The following PRR5L variants were observed in gnomAD, a reference collection of about 807,000 sequenced individuals.
The protein encoded by PRR5L is proline-rich protein 5-like.
A neutral mutation model predicts 36.4 loss-of-function variants in PRR5L; 21 were observed. The observed-to-expected ratio is 0.58, with a 90% CI of 0.41 to 0.83. The LOEUF is 0.83. Among genes scored for constraint, PRR5L ranks in the 40% least tolerant of loss-of-function variants. PRR5L has a pLI of 0.00. For missense variants in PRR5L, 381 were observed against 473.3 expected, an observed-to-expected ratio of 0.80 and a Z score of 1.81; for synonymous variants, 188 against 197.0, an observed-to-expected ratio of 0.95 and a Z score of 0.38.
intron 1 of PRR5L, among the ~76,000 whole-genome samples, chr11:36,334,608 G>C (rs1856750788): frequency 6.6e-6 from 1 of 152,190 alleles, no homozygotes; most frequent in East Asian, 1.9e-4. Context: ...TTGGCTTTTG[G>C]TTGGTTGATC....
intron 1 of PRR5L, chr11:36,396,060 T>C (rs894302679): frequency 2.0e-5 from 3 of 152,148 alleles, no homozygotes; most frequent in Non-Finnish European, 4.4e-5. Flanking sequence ...TATGTTTGCG[T>C]GTGTATAAAC....
In PRR5L at chr11:36,431,858, G is replaced by C. The variant is rs553014624; in HGVS notation, c.300G>C (p.Gln100His). ...GSFITDYFQN[Q>H]LLAKGLFFVE... The stretch of plus-strand genomic sequence containing the variant: ...TCTTTGTTCTCTTTTGGCAGAACCA[G>C]CTTCTTGCAAAAGGACTGTTCTTTG... Residue 100 changes from glutamine (Q) to histidine (H), a missense_variant, in exon 5 of 9, where the codon CAG (glutamine) becomes CAC (histidine). Physicochemically the swap from Gln to His is conservative, Grantham distance 24. Transcript: ENST00000530639. The C allele has an allele frequency of 2.5e-6, 4 of 1,614,022 alleles. No homozygotes were observed. The highest frequency in any genetic ancestry group is 3.3e-5 in the Admixed American group (2 of 60,008).
chr11:36,421,583 C>CT (rs1466914823), intron 4 of PRR5L, among the ~76,000 whole-genome samples: 4 of 151,860 alleles, frequency 2.6e-5, no homozygotes, highest in East Asian at 1.9e-4. Flanking sequence ...GGGCACACAG[C>CT]TTTTTTTTCT....
At chr11:36,391,480 T>G (rs1023677303) in intron 1 of PRR5L, among the ~76,000 whole-genome samples, 1 of 152,224 alleles carries the variant, frequency 6.6e-6, no homozygotes, top group Non-Finnish European at 1.5e-5. Flanking sequence ...TACCTCCCAG[T>G]AACCCTGTAA....
chr11:36,383,200 GA>G (rs1190518969), intron 1 of PRR5L, among the ~76,000 whole-genome samples: 17 of 152,236 alleles, frequency 1.1e-4, no homozygotes, highest in Non-Finnish European at 2.1e-4. Context: ...GTGCTGTGCA[GA>G]TGTTAGTGGC....
chr11:36,376,481 C>T, intron 1 of PRR5L: 9 of 1,083,516 alleles, frequency 8.3e-6, no homozygotes, highest in Non-Finnish European at 1.0e-5. Flanking sequence ...CGAGGCTGGA[C>T]GGGACCCCAT....
chr11:36,399,930 C>G (rs1454136937), intron 1 of PRR5L, among the ~76,000 whole-genome samples: 1 of 152,222 alleles, frequency 6.6e-6, no homozygotes, highest in Non-Finnish European at 1.5e-5. Flanking sequence ...TCTCTCCAGT[C>G]CTGGAAAGTG....
rs545403061 is a variant in PRR5L, at chr11:36,368,961, C to T, written c.-125-32036C>T. On this transcript the variant is annotated intron_variant, in intron 1 of 8. Transcript: ENST00000530639. The stretch of plus-strand genomic sequence containing the variant: ...AGAGTCGTGAGACAAAAATGTTTGA[C>T]AACCACTGAGTTAGTACATAAAGGC... Among the ~76,000 whole-genome samples, 10 of 152,306 alleles carry T rather than the reference C, an allele frequency of 6.6e-5. No individual in the cohort carries two copies. In the East Asian group the frequency reaches 1.5e-3, roughly 23 times the overall value.
intron 1 of PRR5L, among the ~76,000 whole-genome samples, chr11:36,316,676 T>C (rs1856560899): frequency 6.6e-6 from 1 of 152,298 alleles, no homozygotes; most frequent in East Asian, 1.9e-4. Flanking sequence ...TCTCAAGCAC[T>C]GATCTTAGGT....
At chr11:36,408,235 G>A (rs189444492) in intron 3 of PRR5L, among the ~76,000 whole-genome samples, 4 of 151,836 alleles carry the variant, frequency 2.6e-5, no homozygotes, top group South Asian at 4.2e-4. Context: ...AGCCAAGATC[G>A]TGCCACACTG....
intron 3 of PRR5L, among the ~76,000 whole-genome samples, chr11:36,415,799 G>C (rs758031516): frequency 2.0e-5 from 3 of 152,174 alleles, no homozygotes; most frequent in Non-Finnish European, 4.4e-5. Context: ...TGTTCTCTGT[G>C]TTTAAAAATC....
chr11:36,388,542 T>C (rs895371576), intron 1 of PRR5L, among the ~76,000 whole-genome samples: 43 of 152,156 alleles, frequency 2.8e-4, no homozygotes, highest in Non-Finnish European at 5.9e-5. Context: ...GGGAAACCAG[T>C]GTTATCTGTT....
chr11:36,376,398 G>T, intron 1 of PRR5L: 1 of 1,157,336 alleles, frequency 8.6e-7, no homozygotes, highest in Non-Finnish European at 1.1e-6. Flanking sequence ...TGAGAGAGGA[G>T]GGAAACGTGT....
intron 1 of PRR5L, among the ~76,000 whole-genome samples, chr11:36,334,372 T>C (rs12421441): frequency 0.1 from 15,697 of 152,268 alleles, 1,550 homozygotes; most frequent in African/African-American, 0.26. Context: ...GGCTTTCCAC[T>C]GGTCTCAGAA....
At chr11:36,421,419 C>T (rs1858263238) in intron 4 of PRR5L, among the ~76,000 whole-genome samples, 1 of 152,166 alleles carries the variant, frequency 6.6e-6, no homozygotes. Context: ...AGAAATGCTG[C>T]TTTGTGAATA....
At chr11:36,426,720 A>T (rs537776636) in intron 4 of PRR5L, among the ~76,000 whole-genome samples, 2 of 152,234 alleles carry the variant, frequency 1.3e-5, no homozygotes, top group Non-Finnish European at 2.9e-5. Context: ...AAAAGACTGT[A>T]AGACAGTGTC....
intron 7 of PRR5L, among the ~76,000 whole-genome samples, chr11:36,447,388 G>T (rs1858852158): frequency 1.3e-5 from 2 of 152,132 alleles, no homozygotes; most frequent in South Asian, 4.1e-4. Flanking sequence ...ATTCCTCTTT[G>T]CCCAATCAGC....
chr11:36,449,011 A>G (rs1858890514), intron 7 of PRR5L, among the ~76,000 whole-genome samples: 1 of 152,190 alleles, frequency 6.6e-6, no homozygotes. Context: ...CCTACAGACC[A>G]TTAAAGATCG....
chr11:36,388,822 C>A (rs1405813374), intron 1 of PRR5L, among the ~76,000 whole-genome samples: 1 of 151,848 alleles, frequency 6.6e-6, no homozygotes. Flanking sequence ...CCTCAGCCTC[C>A]GGAGTAGCTG....
Sources: gnomAD v4.1 joint callset for allele counts (sites outside exome capture counted in the v4.1 genomes callset) on GRCh38, gnomAD v4.1.1 for gene constraint, MANE v1.5 for transcripts, NCBI Gene and HGNC (gene_info 2026-07-23, HGNC 2026-07-21) for gene names.